Variants in ANKS1B observed in about 807,000 individuals in gnomAD.
The protein encoded by ANKS1B is ankyrin repeat and sterile alpha motif domain-containing protein 1B.
Under a neutral mutation model 148.3 loss-of-function variants are expected in ANKS1B, and 36 were observed. The ratio of observed to expected loss-of-function variants is 0.24; its 90% CI spans 0.19 to 0.32. The LOEUF is 0.32. Ranked by LOEUF, ANKS1B falls within the 10% of genes least tolerant of loss-of-function variation. ANKS1B has a pLI of 1.00. For synonymous variants in ANKS1B, 542 were observed against 560.8 expected, an observed-to-expected ratio of 0.97 and a Z score of 0.47; for missense variants, 1,157 against 1,542.6, an observed-to-expected ratio of 0.75 and a Z score of 4.19.
chr12:99,265,439 C>T (rs186161976), intron 12 of ANKS1B, among the ~76,000 whole-genome samples: 1 of 152,270 alleles, frequency 6.6e-6, no homozygotes, highest in East Asian at 1.9e-4. Context: ...TTAGGCCCTG[C>T]TCTAGAACAT....
intron 17 of ANKS1B, among the ~76,000 whole-genome samples, chr12:99,000,303 T>C (rs2099932216): frequency 6.8e-6 from 1 of 146,696 alleles, no homozygotes; most frequent in Non-Finnish European, 1.5e-5. Context: ...GGAGTTTTGC[T>C]CTGTCATCCA....
chr12:99,133,740 C>T (rs1380411323), intron 15 of ANKS1B, among the ~76,000 whole-genome samples: 1 of 152,210 alleles, frequency 6.6e-6, no homozygotes, highest in African/African-American at 2.4e-5. Context: ...TCCGGGCTGT[C>T]TCTTTGCAAT....
At chr12:98,785,933 C>T (rs1045301610) in intron 22 of ANKS1B, among the ~76,000 whole-genome samples, 1 of 152,124 alleles carries the variant, frequency 6.6e-6, no homozygotes, top group African/African-American at 2.4e-5. Context: ...CGTTTTCTTT[C>T]GTTTCTAGTT....
intron 2 of ANKS1B, among the ~76,000 whole-genome samples, chr12:99,818,190 G>A (rs1195125918): frequency 1.3e-5 from 2 of 151,742 alleles, no homozygotes; most frequent in Non-Finnish European, 2.9e-5. Context: ...ATTACATCAA[G>A]CTTAAAAGCT....
intron 8 of ANKS1B, among the ~76,000 whole-genome samples, chr12:99,761,065 C>A (rs199698596): frequency 4.0e-4 from 39 of 98,680 alleles, no homozygotes; most frequent in Non-Finnish European, 4.5e-4. Context: ...GCCTAACAAC[C>A]AAAAAAAAAA....
At chr12:99,799,200 C>T (rs2066631233) in intron 4 of ANKS1B, among the ~76,000 whole-genome samples, 1 of 152,098 alleles carries the variant, frequency 6.6e-6, no homozygotes. Context: ...ATTGTGCTGT[C>T]TTGGCATTCC....
chr12:99,121,701 T>C (rs1175294784), intron 15 of ANKS1B, among the ~76,000 whole-genome samples: 1 of 152,178 alleles, frequency 6.6e-6, no homozygotes, highest in Non-Finnish European at 1.5e-5. Flanking sequence ...GAACAGTGGC[T>C]GCTCACTGAG....
intron 8 of ANKS1B, among the ~76,000 whole-genome samples, chr12:99,766,736 A>C (rs2062682180): frequency 6.6e-6 from 1 of 152,158 alleles, no homozygotes; most frequent in African/African-American, 2.4e-5. Context: ...CTTAAGATTT[A>C]GCACCACTAT....
In ANKS1B at chr12:99,400,232, A is replaced by G. The variant is rs139891187; in HGVS notation, c.1576-421T>C. On this transcript the variant is annotated intron_variant, in intron 11 of 26. Transcript: ENST00000683438. ...GCCTTACAACATAGAAGAATAATTA[A>G]GGCAGTTCCATTTTTTTATTCTTTA... Among the ~76,000 whole-genome samples, 19 of 112,526 alleles carry G rather than the reference A, an allele frequency of 1.7e-4. 2 individuals carry two copies. Among genetic ancestry groups the G allele is most frequent in the African/African-American group, 6.4e-4 (17 of 26,718 alleles). 73.8% of individuals were successfully genotyped at this position (112,526 alleles called of 152,430 possible). A position where few individuals can be genotyped will look rare whatever the true frequency, so the allele number is the denominator to read the frequency against.
chr12:99,704,581 C>T (rs906018570), intron 8 of ANKS1B, among the ~76,000 whole-genome samples: 5 of 151,972 alleles, frequency 3.3e-5, no homozygotes, highest in East Asian at 1.9e-4. Flanking sequence ...TACACACACA[C>T]ACACACAAAC....
rs1012383397 is a variant in ANKS1B at position 99,612,979 on chromosome 12, G to A, written c.1272+42088C>T. Among the ~76,000 whole-genome samples, 10 of 152,180 alleles carry A rather than the reference G, an allele frequency of 6.6e-5. No homozygotes were observed. In the South Asian group the frequency reaches 1.9e-3, roughly 29 times the overall value. ...TAGCAAGCTGTCTAGTGATAACCCT[G>A]AGCCAATGGGAATGCCCTTGGGATG... is the stretch of plus-strand genomic sequence containing the variant. On this transcript the variant is annotated intron_variant, in intron 9 of 26. Coordinates refer to ENST00000683438, the MANE Select transcript of ANKS1B (RefSeq NM_001352186.2).
chr12:99,685,243 CAA>C (rs1374048026), intron 8 of ANKS1B, among the ~76,000 whole-genome samples: 1 of 151,970 alleles, frequency 6.6e-6, no homozygotes, highest in Non-Finnish European at 1.5e-5. Flanking sequence ...CAGGAAAAAA[CAA>C]ACAGTCCCAT....
chr12:99,256,300 T>C (rs2075265462), intron 12 of ANKS1B, among the ~76,000 whole-genome samples: 1 of 151,920 alleles, frequency 6.6e-6, no homozygotes, highest in Admixed American at 6.6e-5. Flanking sequence ...AAATAATACC[T>C]TATCCACTTC....
At chr12:99,773,226 A>T in intron 7 of ANKS1B, 138 bp from the exon 8 acceptor site, 2 of 625,188 alleles carry the variant, frequency 3.2e-6, no homozygotes, top group Non-Finnish European at 5.3e-6. Context: ...TCTGCTGAAA[A>T]CAAGGTACTC....
intron 8 of ANKS1B, among the ~76,000 whole-genome samples, chr12:99,662,368 A>C (rs2098481843): frequency 6.6e-6 from 1 of 152,192 alleles, no homozygotes; most frequent in African/African-American, 2.4e-5. Context: ...TTGGTTCAGT[A>C]TCTCCTATCC....
At chr12:99,944,156 C>T (rs2094993759) in intron 1 of ANKS1B, among the ~76,000 whole-genome samples, 1 of 152,136 alleles carries the variant, frequency 6.6e-6, no homozygotes, top group Non-Finnish European at 1.5e-5. Flanking sequence ...CAGCAGCATC[C>T]AAATTTACCC....
At chr12:99,323,273 C>T (rs2085660271) in intron 12 of ANKS1B, among the ~76,000 whole-genome samples, 1 of 152,224 alleles carries the variant, frequency 6.6e-6, no homozygotes, top group Non-Finnish European at 1.5e-5. Flanking sequence ...TGAATATCCA[C>T]TTCCATTACA....
At chr12:98,856,555 T>C (rs116679997) in intron 17 of ANKS1B, among the ~76,000 whole-genome samples, 136 of 152,380 alleles carry the variant, frequency 8.9e-4, no homozygotes, top group African/African-American at 3.0e-3. Flanking sequence ...CATGTGTGTG[T>C]GCATGAGTTG....
chr12:99,598,660 G>C (rs1291472879), intron 9 of ANKS1B, among the ~76,000 whole-genome samples: 1 of 152,042 alleles, frequency 6.6e-6, no homozygotes, highest in Non-Finnish European at 1.5e-5. Flanking sequence ...GTCAGAAAAA[G>C]TTTCACAGAG....
Sources: allele counts gnomAD v4.1 joint callset (sites outside exome capture counted in the v4.1 genomes callset), GRCh38; gene constraint gnomAD v4.1.1; transcripts MANE v1.5; gene names NCBI Gene and HGNC (gene_info 2026-07-23, HGNC 2026-07-21).